The following PDGFD variants were observed in gnomAD, a reference collection of about 807,000 sequenced individuals.
PDGFD encodes the protein platelet-derived growth factor D.
Under a neutral mutation model 44.7 loss-of-function variants are expected in PDGFD, and 30 were observed. The observed-to-expected ratio is 0.67, with a 90% CI of 0.50 to 0.91. The LOEUF (loss-of-function observed/expected upper bound fraction) is 0.91, where lower values mean the gene tolerates loss of function less well. Ranked by LOEUF, PDGFD falls within the 40% of genes least tolerant of loss-of-function variation. The pLI is 0.00. For missense variants in PDGFD, 445 were observed against 457.8 expected, an observed-to-expected ratio of 0.97 and a Z score of 0.25; for synonymous variants, 173 against 168.4, an observed-to-expected ratio of 1.03 and a Z score of -0.21.
At chr11:104,161,964 T>A (rs1232646133) in intron 1 of PDGFD, among the ~76,000 whole-genome samples, 1 of 151,874 alleles carries the variant, frequency 6.6e-6, no homozygotes, top group Non-Finnish European at 1.5e-5. Flanking sequence ...TGTGTGTGTG[T>A]GTGTGTGTGT....
intron 5 of PDGFD, among the ~76,000 whole-genome samples, chr11:103,941,759 GA>G (rs35864433): frequency 6.6e-6 from 1 of 151,974 alleles, no homozygotes; most frequent in South Asian, 2.1e-4. Context: ...AATATTTCCA[GA>G]AAAAAAGATG....
In PDGFD at chr11:103,926,955, G is replaced by A; in HGVS notation, c.944C>T (p.Ser315Phe). The change falls in exon 6 of 7, where the codon TCC (serine) becomes TTC (phenylalanine). Residue 315 changes from serine (S) to phenylalanine (F), a missense_variant. Transcript: ENST00000393158. ...NCGCGTVNWR[S>F]CTCNSGKTVK... Reference sequence around the variant, plus strand: ...GGTTTTCCCTGAATTGCATGTGCAGGACCTCCAGTTGACAGTTCCACAGCC... The same window carrying A: ...GGTTTTCCCTGAATTGCATGTGCAGAACCTCCAGTTGACAGTTCCACAGCC... The A allele has an allele frequency of 6.2e-7, 1 of 1,614,156 alleles. No homozygotes were observed. Among genetic ancestry groups the A allele is most frequent in the Non-Finnish European group, 8.5e-7 (1 of 1,180,022 alleles).
chr11:104,131,827 AG>A (rs34867731), intron 1 of PDGFD, among the ~76,000 whole-genome samples: 7 of 109,692 alleles, frequency 6.4e-5, no homozygotes, highest in African/African-American at 1.5e-4. Context: ...AAAAAAAAAA[AG>A]GGGATGCTTG....
intron 1 of PDGFD, among the ~76,000 whole-genome samples, chr11:104,157,407 C>T (rs1862322091): frequency 6.6e-6 from 1 of 152,204 alleles, no homozygotes; most frequent in Non-Finnish European, 1.5e-5. Flanking sequence ...TGGGCCACGT[C>T]TCTGTCTAAA....
intron 1 of PDGFD, among the ~76,000 whole-genome samples, chr11:104,127,518 A>G (rs1837504610): frequency 6.6e-6 from 1 of 152,186 alleles, no homozygotes; most frequent in African/African-American, 2.4e-5. Flanking sequence ...AACATCACAC[A>G]TGTATTACAT....
intron 3 of PDGFD, among the ~76,000 whole-genome samples, chr11:103,990,385 G>C (rs1262926186): frequency 6.6e-6 from 1 of 152,104 alleles, no homozygotes; most frequent in Non-Finnish European, 1.5e-5. Context: ...GATCATCCTT[G>C]ACTCCCTAGC....
chr11:103,978,076 G>A (rs1053774296), intron 3 of PDGFD, among the ~76,000 whole-genome samples: 1 of 152,072 alleles, frequency 6.6e-6, no homozygotes, highest in Non-Finnish European at 1.5e-5. Context: ...ATCATAAAGA[G>A]TATCATTTCC....
rs143402919 is a variant in PDGFD at position 104,079,715 on chromosome 11, G to T, written c.125-79460C>A. ...GCTACTTTCAATCTCTATTGGCAAT[G>T]CCTTTTACAAATGTTCTGTCTAGTT... On this transcript the variant is annotated intron_variant, in intron 1 of 6. Transcript: ENST00000393158. 3.6e-3 allele frequency among the ~76,000 whole-genome samples: 541 copies of T among 152,228 alleles called. 1 individual carries two copies. The highest frequency in any genetic ancestry group is 0.012 in the African/African-American group (499 of 41,546).
In PDGFD at chr11:104,039,961, C is replaced by T. The variant is rs77210547; in HGVS notation, c.125-39706G>A. On this transcript the variant is annotated intron_variant, in intron 1 of 6. Transcript: ENST00000393158. The stretch of plus-strand genomic sequence containing the variant: ...GATACCAAATCTGACCATACCCACC[C>T]TACCTTCTCAGAGGAACACCCCTTC... 7.2e-3 allele frequency among the ~76,000 whole-genome samples: 1,098 copies of T among 152,230 alleles called. 6 individuals carry two copies. Among genetic ancestry groups the T allele is most frequent in the Middle Eastern group, 0.021 (6 of 292 alleles).
intron 1 of PDGFD, among the ~76,000 whole-genome samples, chr11:104,021,533 A>G (rs1379070293): frequency 6.6e-6 from 1 of 152,144 alleles, no homozygotes; most frequent in African/African-American, 2.4e-5. Context: ...CACTGTTTCT[A>G]CTAGACCCGC....
chr11:104,139,755 CGGCCGGGCGCG>C (rs1862057758), intron 1 of PDGFD, among the ~76,000 whole-genome samples: 1 of 86,076 alleles, frequency 1.2e-5, no homozygotes, highest in African/African-American at 6.2e-5. Flanking sequence ...TAATAAATAA[CGGCCGGGCGCG>C]GTGGCTCACG....
At chr11:104,078,186 T>C (rs1404149736) in intron 1 of PDGFD, among the ~76,000 whole-genome samples, 2 of 152,032 alleles carry the variant, frequency 1.3e-5, no homozygotes, top group Non-Finnish European at 2.9e-5. Flanking sequence ...TTTGGATCCA[T>C]GGCTGTTGGG....
chr11:104,010,416 G>A (rs1859765743), intron 1 of PDGFD, among the ~76,000 whole-genome samples: 1 of 152,068 alleles, frequency 6.6e-6, no homozygotes, highest in Non-Finnish European at 1.5e-5. Context: ...TCACAGGAGT[G>A]TAATAATGCC....
At chr11:104,032,029 T>C (rs753356931) in intron 1 of PDGFD, among the ~76,000 whole-genome samples, 6 of 151,924 alleles carry the variant, frequency 3.9e-5, no homozygotes, top group Non-Finnish European at 8.8e-5. Flanking sequence ...TGAGGAAAAA[T>C]AGTTAATGCA....
chr11:104,025,673 C>G (rs893509057), intron 1 of PDGFD, among the ~76,000 whole-genome samples: 1 of 152,156 alleles, frequency 6.6e-6, no homozygotes, highest in African/African-American at 2.4e-5. Context: ...CTCCCAAGGG[C>G]AGAGAAACTA....
intron 3 of PDGFD, among the ~76,000 whole-genome samples, chr11:103,995,432 A>G (rs1026872424): frequency 5.3e-5 from 8 of 152,194 alleles, no homozygotes; most frequent in Non-Finnish European, 1.0e-4. Flanking sequence ...AACATTTTCT[A>G]TCAGTCAGAA....
At chr11:104,106,367 A>G (rs1409485604) in intron 1 of PDGFD, among the ~76,000 whole-genome samples, 57 of 152,168 alleles carry the variant, frequency 3.7e-4, no homozygotes, top group Admixed American at 3.6e-3. Context: ...CATAAGACAT[A>G]GTTAATTTTT....
intron 1 of PDGFD, among the ~76,000 whole-genome samples, chr11:104,063,234 A>T (rs1860739432): frequency 6.6e-6 from 1 of 152,068 alleles, no homozygotes; most frequent in Non-Finnish European, 1.5e-5. Context: ...CATCATCAAC[A>T]TTAAGGTAAA....
intron 1 of PDGFD, among the ~76,000 whole-genome samples, chr11:104,120,913 T>C (rs11226185): frequency 0.13 from 19,808 of 151,896 alleles, 1,419 homozygotes; most frequent in East Asian, 0.29. Flanking sequence ...ATATTTGGCT[T>C]TGTTCTCCTC....
Sources: allele counts gnomAD v4.1 joint callset (sites outside exome capture counted in the v4.1 genomes callset), GRCh38; gene constraint gnomAD v4.1.1; transcripts MANE v1.5; gene names NCBI Gene and HGNC (gene_info 2026-07-23, HGNC 2026-07-21).